Variants in NECAB1 observed in about 807,000 individuals in gnomAD.
NECAB1 encodes the protein N-terminal EF-hand calcium-binding protein 1.
A neutral mutation model predicts 57.5 loss-of-function variants in NECAB1; 29 were observed. The ratio of observed to expected loss-of-function variants is 0.50; its 90% CI spans 0.38 to 0.69. NECAB1 has a LOEUF of 0.69. Among genes scored for constraint, NECAB1 ranks in the 30% least tolerant of loss-of-function variants. NECAB1 has a pLI of 0.00. For missense variants in NECAB1, 372 were observed against 413.8 expected, an observed-to-expected ratio of 0.90 and a Z score of 0.88; for synonymous variants, 142 against 147.7, an observed-to-expected ratio of 0.96 and a Z score of 0.28.
At chr8:90,919,520 C>T (rs13265299) in intron 6 of NECAB1, among the ~76,000 whole-genome samples, 4,288 of 152,290 alleles carry the variant, frequency 0.028, 85 homozygotes, top group Non-Finnish European at 0.043. Flanking sequence ...ATCTAATGAG[C>T]CCATGCAGCT....
Position 90,956,812 on chromosome 8 carries a change from T to C in NECAB1, c.*1300T>C, listed in dbSNP as rs1445142611. On this transcript the variant is annotated 3_prime_UTR_variant, in exon 13 of 13. Coordinates refer to ENST00000417640, the MANE Select transcript of NECAB1 (RefSeq NM_022351.5). ...GACCTAAAATATTTTCTCAAACTAATTCATGAAACAGCAACTTTTACCAAT... is the reference window on the plus strand; with the variant it reads ...GACCTAAAATATTTTCTCAAACTAACTCATGAAACAGCAACTTTTACCAAT... 6.6e-6 allele frequency: 1 copy of C among 152,448 alleles called. No individual in the cohort carries two copies. Among genetic ancestry groups the C allele is most frequent in the Non-Finnish European group, 1.5e-5 (1 of 67,958 alleles). 9.4% of individuals were successfully genotyped at this position (152,448 alleles called of 1,614,324 possible).
chr8:90,899,094 GT>G (rs1302509203), intron 5 of NECAB1, among the ~76,000 whole-genome samples: 1 of 152,250 alleles, frequency 6.6e-6, no homozygotes, highest in Non-Finnish European at 1.5e-5. Context: ...CTCTGACAAA[GT>G]TTTGGCTATG....
chr8:90,903,946 C>G (rs961630343), intron 5 of NECAB1: 34 of 152,284 alleles, frequency 2.2e-4, no homozygotes, highest in African/African-American at 7.5e-4. Flanking sequence ...TAACAACCTT[C>G]TGCAAAAACT....
intron 2 of NECAB1, among the ~76,000 whole-genome samples, chr8:90,821,291 A>G (rs1175430994): frequency 6.6e-6 from 1 of 151,878 alleles, no homozygotes; most frequent in Non-Finnish European, 1.5e-5. Context: ...GATACCATCC[A>G]TCTGTTGCTC....
intron 5 of NECAB1, among the ~76,000 whole-genome samples, chr8:90,901,306 T>C (rs1809498306): frequency 6.6e-6 from 1 of 152,042 alleles, no homozygotes; most frequent in Non-Finnish European, 1.5e-5. Flanking sequence ...ATAGATGATG[T>C]TTCCTTTCCT....
chr8:90,859,771 T>C (rs1812862239), intron 3 of NECAB1, among the ~76,000 whole-genome samples: 1 of 152,162 alleles, frequency 6.6e-6, no homozygotes, highest in Non-Finnish European at 1.5e-5. Context: ...ACTCAGCCAA[T>C]TGAAACAGAG....
chr8:90,893,009 C>T (rs185484174), intron 5 of NECAB1, among the ~76,000 whole-genome samples: 109 of 152,286 alleles, frequency 7.2e-4, no homozygotes, highest in African/African-American at 2.6e-3. Flanking sequence ...CAGCCATTTG[C>T]ACTTCTCTGA....
In NECAB1 at chr8:90,917,593, C is replaced by T. The variant is rs1809985838; in HGVS notation, c.459C>T (p.Ala153=). ...LQSLQNSLEC[A]METTEEQTRQ... The stretch of plus-strand genomic sequence containing the variant: ...CTCTCCAGAATTCCCTGGAATGTGC[C>T]ATGGAAACTACTGAGGAGCAAACCC... The change falls in exon 6 of 13, where the codon GCC becomes GCT. Residue 153 remains alanine (A), a synonymous_variant. Coordinates refer to ENST00000417640, the MANE Select transcript of NECAB1 (RefSeq NM_022351.5). 1.2e-6 allele frequency: 2 copies of T among 1,611,382 alleles called. No individual in the cohort carries two copies. The highest frequency in any genetic ancestry group is 2.7e-5 in the African/African-American group (2 of 74,774).
chr8:90,901,723 C>T (rs996940348), intron 5 of NECAB1, among the ~76,000 whole-genome samples: 7 of 152,116 alleles, frequency 4.6e-5, no homozygotes, highest in Admixed American at 2.6e-4. Context: ...TTTTGTTTTT[C>T]GCTTCAACAG....
intron 2 of NECAB1, among the ~76,000 whole-genome samples, chr8:90,806,056 G>T: frequency 6.6e-6 from 1 of 152,180 alleles, no homozygotes; most frequent in Non-Finnish European, 1.5e-5. Context: ...GGGGTGGGGG[G>T]CAAGAATAGC....
intron 2 of NECAB1, among the ~76,000 whole-genome samples, chr8:90,821,754 CATAATT>C (rs2129699509): frequency 6.6e-6 from 1 of 151,634 alleles, no homozygotes; most frequent in South Asian, 2.1e-4. Flanking sequence ...TTTACTGTGT[CATAATT>C]ATAAGATCCA....
chr8:90,949,822 G>A lies in NECAB1; in HGVS notation c.876G>A (p.Lys292=). The change falls in exon 11 of 13, where the codon AAG becomes AAA. Residue 292 remains lysine (K), a synonymous_variant. Coordinates refer to ENST00000417640, the MANE Select transcript of NECAB1 (RefSeq NM_022351.5). The stretch of plus-strand genomic sequence containing the variant: ...TCCATTTCAGTATTTCTATACAGAA[G>A]CTTTCAAATGAATCTCGCTACATGA... ...QSGCLRISIQ[K]LSNESRYMIY... 1 of 1,604,192 alleles carries A rather than the reference G, an allele frequency of 6.2e-7. No homozygotes were observed. The highest frequency in any genetic ancestry group is 2.2e-5 in the East Asian group (1 of 44,690).
chr8:90,943,861 C>T (rs1258947769), intron 10 of NECAB1, among the ~76,000 whole-genome samples: 1 of 152,228 alleles, frequency 6.6e-6, no homozygotes, highest in Non-Finnish European at 1.5e-5. Flanking sequence ...AAGCAACCCT[C>T]CCACCTCAGC....
intron 3 of NECAB1, among the ~76,000 whole-genome samples, chr8:90,858,008 ATCAC>A (rs1812825770): frequency 6.6e-6 from 1 of 152,192 alleles, no homozygotes; most frequent in Non-Finnish European, 1.5e-5. Context: ...CTTCTGAAAC[ATCAC>A]TTGATTTTCA....
At chr8:90,827,726 ATAT>A (rs763586269) in intron 3 of NECAB1, among the ~76,000 whole-genome samples, 15 of 151,996 alleles carry the variant, frequency 9.9e-5, no homozygotes, top group Non-Finnish European at 1.9e-4. Flanking sequence ...TACTCTTAAA[ATAT>A]TATGCTTGAT....
intron 3 of NECAB1, among the ~76,000 whole-genome samples, chr8:90,853,402 T>G (rs1812725554): frequency 6.6e-6 from 1 of 152,256 alleles, no homozygotes; most frequent in African/African-American, 2.4e-5. Context: ...AAGTGGAATG[T>G]TAGAAGGAGC....
At chr8:90,808,750 G>A (rs761387939) in intron 2 of NECAB1, among the ~76,000 whole-genome samples, 1 of 144,368 alleles carries the variant, frequency 6.9e-6, no homozygotes, top group Non-Finnish European at 1.5e-5. Context: ...GGTTCAAGCA[G>A]TTCTCCTGCC....
intron 3 of NECAB1, among the ~76,000 whole-genome samples, chr8:90,850,733 T>C (rs1812666932): frequency 6.6e-6 from 1 of 152,244 alleles, no homozygotes; most frequent in Admixed American, 6.5e-5. Context: ...TTGAAATTAT[T>C]ACATTTCATA....
chr8:90,947,706 T>G (rs1810844642), intron 10 of NECAB1, among the ~76,000 whole-genome samples: 1 of 152,204 alleles, frequency 6.6e-6, no homozygotes, highest in Admixed American at 6.5e-5. Context: ...CGGCCTTACA[T>G]GTAACACTTT....
Sources: gnomAD v4.1 joint callset for allele counts (sites outside exome capture counted in the v4.1 genomes callset) on GRCh38, gnomAD v4.1.1 for gene constraint, MANE v1.5 for transcripts, NCBI Gene and HGNC (gene_info 2026-07-23, HGNC 2026-07-21) for gene names.